Variants in ULK4 observed in about 807,000 individuals in gnomAD.
The protein encoded by ULK4 is unc-51 like kinase 4, also known as inactive serine/threonine-protein kinase ULK4.
ULK4 carries 133 observed loss-of-function variants against 160.6 expected under a neutral mutation model. That is an observed-to-expected ratio of 0.83 (90% confidence interval 0.72 to 0.96). The LOEUF is 0.96. Ranked by LOEUF, ULK4 falls within the 40% of genes least tolerant of loss-of-function variation. The pLI is 0.00. For missense variants in ULK4, 1,580 were observed against 1,499.5 expected (o/e 1.05, Z -0.89); for synonymous variants, 534 against 539.8 (o/e 0.99, Z 0.15).
intron 17 of ULK4, among the ~76,000 whole-genome samples, chr3:41,867,648 A>G (rs1016336541): frequency 1.3e-5 from 2 of 152,186 alleles, no homozygotes; most frequent in African/African-American, 4.8e-5. Context: ...AAGTGCTGGG[A>G]TTACAGGCAT....
At chr3:41,706,245 G>A (rs1170875582) in intron 25 of ULK4, among the ~76,000 whole-genome samples, 1 of 151,502 alleles carries the variant, frequency 6.6e-6, no homozygotes, top group Admixed American at 6.6e-5. Context: ...GACAGAAAAG[G>A]TACTCCATGA....
chr3:41,571,934 T>C (rs1042441087), intron 31 of ULK4, among the ~76,000 whole-genome samples: 2 of 152,168 alleles, frequency 1.3e-5, no homozygotes, highest in African/African-American at 4.8e-5. Context: ...GGGGCCCAGT[T>C]ATAAGCAGAG....
intron 35 of ULK4, among the ~76,000 whole-genome samples, chr3:41,367,610 C>T (rs2081277430): frequency 6.6e-6 from 1 of 152,154 alleles, no homozygotes; most frequent in Non-Finnish European, 1.5e-5. Context: ...CTGCTTCCTG[C>T]TTATGGTGGT....
intron 35 of ULK4, among the ~76,000 whole-genome samples, chr3:41,387,537 C>A (rs1002199163): frequency 3.3e-5 from 5 of 152,144 alleles, no homozygotes; most frequent in Non-Finnish European, 2.9e-5. Flanking sequence ...CCCAACTCCA[C>A]AACAGGCCCA....
intron 19 of ULK4, among the ~76,000 whole-genome samples, chr3:41,810,825 TC>T (rs910639104): frequency 6.6e-6 from 1 of 152,192 alleles, no homozygotes; most frequent in African/African-American, 2.4e-5. Flanking sequence ...TTCCTTTTTT[TC>T]CCTCTCACAT....
chr3:41,287,525 C>G (rs2079484110), intron 35 of ULK4, among the ~76,000 whole-genome samples: 1 of 152,182 alleles, frequency 6.6e-6, no homozygotes. Flanking sequence ...AATAGGGCCC[C>G]CATGGGATGA....
At chr3:41,793,171 C>CT (rs1360398101) in intron 20 of ULK4, among the ~76,000 whole-genome samples, 1 of 121,130 alleles carries the variant, frequency 8.3e-6, no homozygotes, top group Non-Finnish European at 1.6e-5. Context: ...GAAACTCCAT[C>CT]TCAAAAAAAA....
chr3:41,557,795 T>C (rs1017771370), intron 32 of ULK4, among the ~76,000 whole-genome samples: 4 of 151,906 alleles, frequency 2.6e-5, no homozygotes, highest in African/African-American at 9.6e-5. Flanking sequence ...TAAAATAATT[T>C]AAAAATAAAT....
intron 27 of ULK4, among the ~76,000 whole-genome samples, chr3:41,691,235 C>A (rs1346507352): frequency 2.0e-5 from 3 of 151,856 alleles, no homozygotes; most frequent in Non-Finnish European, 4.4e-5. Flanking sequence ...CAGCCCCTGC[C>A]AAGTTCTGGA....
intron 19 of ULK4, among the ~76,000 whole-genome samples, chr3:41,816,460 G>A (rs1430921513): frequency 2.6e-5 from 4 of 152,146 alleles, no homozygotes; most frequent in South Asian, 2.1e-4. Context: ...CCCAAAACAC[G>A]AGGTAAATAG....
intron 34 of ULK4, among the ~76,000 whole-genome samples, chr3:41,452,228 A>T (rs1353316860): frequency 6.6e-6 from 1 of 152,168 alleles, no homozygotes. Context: ...CCTAGGCAGC[A>T]CCTAGGCCAC....
intron 21 of ULK4, among the ~76,000 whole-genome samples, chr3:41,759,888 G>C (rs908736932): frequency 5.3e-5 from 8 of 152,100 alleles, no homozygotes; most frequent in African/African-American, 1.9e-4. Context: ...TGGAACACCT[G>C]AACATCCACA....
At chr3:41,485,057 C>T (rs774946626) in intron 32 of ULK4, among the ~76,000 whole-genome samples, 1 of 152,078 alleles carries the variant, frequency 6.6e-6, no homozygotes, top group African/African-American at 2.4e-5. Context: ...TTTCCATGTG[C>T]CAGGTATTAT....
At chr3:41,722,894 G>C (rs570197008) in intron 22 of ULK4, among the ~76,000 whole-genome samples, 3 of 152,216 alleles carry the variant, frequency 2.0e-5, no homozygotes, top group South Asian at 2.1e-4. Context: ...AGACACTGTT[G>C]CATCTGTCTC....
intron 34 of ULK4, among the ~76,000 whole-genome samples, chr3:41,449,062 C>G (rs2083368635): frequency 6.6e-6 from 1 of 151,942 alleles, no homozygotes; most frequent in South Asian, 2.1e-4. Flanking sequence ...GGACTACAGG[C>G]ATGCGCCACC....
rs748043954 is a variant in ULK4, at chr3:41,912,861, T to C, written c.842A>G (p.Lys281Arg). 3 of 1,614,164 alleles carry C rather than the reference T, an allele frequency of 1.9e-6. No homozygotes were observed. The highest frequency in any genetic ancestry group is 1.7e-5 in the Admixed American group (1 of 60,022). The change falls in exon 9 of 37, where the codon AAG becomes AGG. Residue 281 changes from lysine (K) to arginine (R), a missense_variant. By Grantham distance (26) the Lys-to-Arg change is conservative. Transcript: ENST00000301831. ...CTGATCTGCTCCAGCAAAAGCTTTC[T>C]TCCAAAATGAATGCTGCAGTAGCCT... ...WTRLLQHSFW[K>R]KAFAGADQES...
intron 32 of ULK4, among the ~76,000 whole-genome samples, chr3:41,512,290 G>C (rs2085604831): frequency 6.6e-6 from 1 of 152,142 alleles, no homozygotes; most frequent in African/African-American, 2.4e-5. Flanking sequence ...AATCAGACAA[G>C]AGAAAGAAAT....
intron 30 of ULK4, among the ~76,000 whole-genome samples, chr3:41,647,588 T>A (rs2034560972): frequency 6.6e-6 from 1 of 152,144 alleles, no homozygotes; most frequent in Admixed American, 6.5e-5. Context: ...CCGTGTGAGG[T>A]GTCAGTCTGC....
intron 31 of ULK4, among the ~76,000 whole-genome samples, chr3:41,610,015 A>G (rs886972072): frequency 6.6e-5 from 10 of 150,832 alleles, no homozygotes; most frequent in Non-Finnish European, 1.3e-4. Context: ...AATTCAAATA[A>G]TTTTATTTTT....
Sources: allele counts gnomAD v4.1 joint callset (sites outside exome capture counted in the v4.1 genomes callset), GRCh38; gene constraint gnomAD v4.1.1; transcripts MANE v1.5; gene names NCBI Gene and HGNC (gene_info 2026-07-23, HGNC 2026-07-21).